EGF: variants seen among roughly 807,000 people sequenced by gnomAD.
EGF encodes epidermal growth factor, also known as pro-epidermal growth factor.
Under a neutral mutation model 143.8 loss-of-function variants are expected in EGF, and 95 were observed. The ratio of observed to expected loss-of-function variants is 0.66; its 90% CI spans 0.56 to 0.78. The LOEUF (loss-of-function observed/expected upper bound fraction) is 0.78, where lower values mean the gene tolerates loss of function less well. Ranked by LOEUF, EGF falls within the 30% of genes least tolerant of loss-of-function variation. EGF has a pLI of 0.00. For missense variants in EGF, 1,320 were observed against 1,470.9 expected, an observed-to-expected ratio of 0.90 and a Z score of 1.68; for synonymous variants, 510 against 510.5, an observed-to-expected ratio of 1.00 and a Z score of 0.01.
chr4:109,942,792 A>G (rs548945367), intron 2 of EGF, among the ~76,000 whole-genome samples: 2 of 152,356 alleles, frequency 1.3e-5, no homozygotes, highest in African/African-American at 4.8e-5. Flanking sequence ...AGAAGAATAA[A>G]GGCCACAATG....
At chr4:110,008,125 T>C (rs1753552940) in intron 22 of EGF, 27 bp from the exon 23 acceptor site, 2 of 1,595,234 alleles carry the variant, frequency 1.3e-6, no homozygotes, top group South Asian at 1.1e-5. Flanking sequence ...AACAATATCC[T>C]CTCTCCCTCC....
chr4:109,951,099 G>A (rs558361359), intron 5 of EGF, among the ~76,000 whole-genome samples: 66 of 151,656 alleles, frequency 4.4e-4, no homozygotes, highest in Middle Eastern at 3.4e-3. Context: ...TTGAGGTCAG[G>A]AGTTCAAGGC....
At chr4:109,993,211 C>G in intron 18 of EGF, 36 bp from the exon 19 acceptor site, 1 of 1,612,030 alleles carries the variant, frequency 6.2e-7, no homozygotes. Flanking sequence ...TTTCTGTACC[C>G]CACTTTTCTC....
At chr4:109,953,784 T>A (rs1744325878) in intron 5 of EGF, among the ~76,000 whole-genome samples, 1 of 152,190 alleles carries the variant, frequency 6.6e-6, no homozygotes, top group South Asian at 2.1e-4. Context: ...CATCTGGGAT[T>A]AGTAAGAAAG....
At chr4:109,981,913 A>G (rs11569020) in intron 15 of EGF, among the ~76,000 whole-genome samples, 15,332 of 151,696 alleles carry the variant, frequency 0.1, 1,024 homozygotes, top group East Asian at 0.2. Context: ...ATTCACAACA[A>G]TCTTCTTGTG....
chr4:109,959,059 C>T (rs777233917), intron 5 of EGF: 26 of 497,114 alleles, frequency 5.2e-5, no homozygotes, highest in South Asian at 2.3e-4. Flanking sequence ...GTTTAGTATT[C>T]GCAACCTAAG....
At chr4:109,945,705 T>A (rs1024373456) in intron 5 of EGF, among the ~76,000 whole-genome samples, 1 of 152,220 alleles carries the variant, frequency 6.6e-6, no homozygotes, top group African/African-American at 2.4e-5. Flanking sequence ...TTATATAGTA[T>A]CTTTAATAAA....
At chr4:109,959,506 C>G in intron 6 of EGF, 69 bp downstream of exon 6, 1 of 1,609,328 alleles carries the variant, frequency 6.2e-7, no homozygotes, top group Non-Finnish European at 8.5e-7. Context: ...CTCAACTGAG[C>G]CAGCGGCTTG....
At chr4:109,938,731 C>T (rs1267552376) in intron 1 of EGF, among the ~76,000 whole-genome samples, 4 of 152,168 alleles carry the variant, frequency 2.6e-5, no homozygotes, top group Non-Finnish European at 5.9e-5. Flanking sequence ...GATGTTGATG[C>T]TATTCATTTC....
chr4:109,921,844 T>TC (rs1176409448), intron 1 of EGF, among the ~76,000 whole-genome samples: 4 of 151,632 alleles, frequency 2.6e-5, no homozygotes, highest in Non-Finnish European at 5.9e-5. Flanking sequence ...GGAGGATCTT[T>TC]CTTTTTCACA....
chr4:109,977,144 A>C (rs1244843142), intron 13 of EGF: 5 of 152,162 alleles, frequency 3.3e-5, no homozygotes, highest in African/African-American at 1.2e-4. Context: ...AATTAAGAGG[A>C]TTTTGTAACA....
chr4:110,007,805 G>T (rs566702728), intron 22 of EGF, among the ~76,000 whole-genome samples: 1 of 152,264 alleles, frequency 6.6e-6, no homozygotes, highest in East Asian at 1.9e-4. Context: ...GATATTATTT[G>T]CCTGGCCTAT....
At chr4:109,987,512 C>A (rs1211374826) in intron 16 of EGF, among the ~76,000 whole-genome samples, 13 of 152,260 alleles carry the variant, frequency 8.5e-5, no homozygotes, top group African/African-American at 3.1e-4. Context: ...AGTAATCCAT[C>A]CTCAGCTTCC....
At chr4:109,983,352 A>G in intron 15 of EGF, 70 bp from the exon 16 acceptor site, 2 of 1,548,206 alleles carry the variant, frequency 1.3e-6, no homozygotes, top group Admixed American at 3.6e-5. Context: ...AGTCGTAAAC[A>G]TAAATGAAAT....
At chr4:109,973,365 A>G (rs1190642882) in intron 11 of EGF, among the ~76,000 whole-genome samples, 1 of 152,104 alleles carries the variant, frequency 6.6e-6, no homozygotes, top group Admixed American at 6.5e-5. Flanking sequence ...TTGTATATGT[A>G]CATTCCCTTG....
chr4:109,925,691 G>C (rs987927326), intron 1 of EGF, among the ~76,000 whole-genome samples: 3 of 152,204 alleles, frequency 2.0e-5, no homozygotes, highest in African/African-American at 7.2e-5. Context: ...TTTTCTATGA[G>C]AGAGTAAGGG....
chr4:109,936,178 G>A (rs914298917), intron 1 of EGF, among the ~76,000 whole-genome samples: 2 of 152,134 alleles, frequency 1.3e-5, no homozygotes, highest in Non-Finnish European at 2.9e-5. Context: ...TCTGGTCCTG[G>A]AATTTTTATG....
chr4:109,926,908 T>G (rs1170245102), intron 1 of EGF, among the ~76,000 whole-genome samples: 2 of 152,240 alleles, frequency 1.3e-5, no homozygotes, highest in African/African-American at 2.4e-5. Context: ...GTTATGTGAT[T>G]TTATTGTTGA....
At position 109,924,212 on chromosome 4, in the gene EGF, C is replaced by T. The variant is rs568279747; in HGVS notation, c.127+10750C>T. 6.9e-4 allele frequency among the ~76,000 whole-genome samples: 105 copies of T among 151,616 alleles called. 4 individuals carry two copies. Among genetic ancestry groups the T allele is most frequent in the African/African-American group, 2.4e-3 (99 of 40,960 alleles). On this transcript the variant is annotated intron_variant, in intron 1 of 23. Transcript: ENST00000265171. ...GACAGATGAAGTAGCTTCTCAGGTC[C>T]TATGAGAATATAGCTCAGGACCCTA...
Sources: allele counts gnomAD v4.1 joint callset (sites outside exome capture counted in the v4.1 genomes callset), GRCh38; gene constraint gnomAD v4.1.1; transcripts MANE v1.5; gene names NCBI Gene and HGNC (gene_info 2026-07-23, HGNC 2026-07-21).